Variants in SLC20A2 observed in about 807,000 individuals in gnomAD.
SLC20A2 encodes sodium-dependent phosphate transporter 2.
A neutral mutation model predicts 61.0 loss-of-function variants in SLC20A2; 30 were observed. That is an observed-to-expected ratio of 0.49 (90% confidence interval 0.37 to 0.67). SLC20A2 has a LOEUF of 0.67. SLC20A2 is among the 30% of genes least tolerant of loss of function. The pLI is 0.00. For missense variants in SLC20A2, 626 were observed against 866.4 expected (o/e 0.72, Z 3.48); for synonymous variants, 351 against 353.3 (o/e 0.99, Z 0.07).
In SLC20A2 at chr8:42,439,581, G is replaced by A; in HGVS notation, c.803C>T (p.Ser268Phe). The change falls in exon 7 of 11, where the codon TCC (serine) becomes TTC (phenylalanine). Residue 268 changes from serine to phenylalanine, a missense_variant. Transcript: ENST00000520262. The part of the protein sequence containing the change: ...ESLSKVQEAE[S>F]PVFKELPGAK... ...ACCTGGTAGCTCTTTAAATACTGGGGACTCTGCTTCCTGAACCTTACTGAG... is the reference window on the plus strand; with the variant it reads ...ACCTGGTAGCTCTTTAAATACTGGGAACTCTGCTTCCTGAACCTTACTGAG... 6.2e-7 allele frequency: 1 copy of A among 1,614,162 alleles called. No individual in the cohort carries two copies.
intron 1 of SLC20A2, among the ~76,000 whole-genome samples, chr8:42,494,489 T>C (rs9643888): frequency 0.32 from 49,395 of 152,062 alleles, 8,854 homozygotes; most frequent in East Asian, 0.41. Context: ...CTCCTAGAGA[T>C]AGTTATTGCT....
chr8:42,480,187 G>A (rs1055760224), intron 1 of SLC20A2, among the ~76,000 whole-genome samples: 30 of 152,148 alleles, frequency 2.0e-4, no homozygotes, highest in African/African-American at 2.4e-5. Flanking sequence ...GTGAAACATG[G>A]GAACACACAA....
At chr8:42,480,470 TTA>T (rs1808474705) in intron 1 of SLC20A2, 1 of 152,160 alleles carries the variant, frequency 6.6e-6, no homozygotes, top group African/African-American at 2.4e-5. Flanking sequence ...ATGAATCTAT[TTA>T]TGTTTTCAGC....
chr8:42,492,669 CA>C (rs1453478688), intron 1 of SLC20A2, among the ~76,000 whole-genome samples: 2 of 151,970 alleles, frequency 1.3e-5, no homozygotes, highest in African/African-American at 4.8e-5. Context: ...AGATTCCTTT[CA>C]GTTTATCAAG....
At chr8:42,443,165 C>T (rs979131163) in intron 6 of SLC20A2, among the ~76,000 whole-genome samples, 2 of 145,298 alleles carry the variant, frequency 1.4e-5, no homozygotes, top group African/African-American at 2.5e-5. Context: ...CAGTAGAGTA[C>T]TATATTGTAT....
chr8:42,427,296 C>T lies in SLC20A2; in HGVS notation c.1794+1462G>A, dbSNP rs368788999. The stretch of plus-strand genomic sequence containing the variant: ...CCAGTGGAGTGCTTGCCCCAGGCAC[C>T]TTGGCCATGGTCGGGCACCACAATG... On this transcript the variant is annotated intron_variant, in intron 10 of 10. Transcript: ENST00000520262. Among the ~76,000 whole-genome samples, 10 of 152,354 alleles carry T rather than the reference C, an allele frequency of 6.6e-5. No homozygotes were observed. The South Asian group carries it at 1.4e-3, about 22-fold the overall frequency.
intron 5 of SLC20A2, among the ~76,000 whole-genome samples, chr8:42,456,878 G>C (rs765173779): frequency 6.6e-6 from 1 of 152,020 alleles, no homozygotes; most frequent in African/African-American, 2.4e-5. Flanking sequence ...TTAACTCCAT[G>C]GTTTGGAACT....
intron 10 of SLC20A2, among the ~76,000 whole-genome samples, chr8:42,418,964 A>G (rs1336147831): frequency 2.1e-5 from 3 of 141,670 alleles, no homozygotes; most frequent in Non-Finnish European, 3.0e-5. Flanking sequence ...AGCGGAGATC[A>G]TGCCACTGCA....
intron 1 of SLC20A2, among the ~76,000 whole-genome samples, chr8:42,533,324 GTGCC>G (rs2131442872): frequency 6.6e-6 from 1 of 152,170 alleles, no homozygotes; most frequent in South Asian, 2.1e-4. Flanking sequence ...TTAAAAAAAT[GTGCC>G]TATTGGGCCA....
chr8:42,498,686 A>T (rs1326798070), intron 1 of SLC20A2, among the ~76,000 whole-genome samples: 3 of 152,204 alleles, frequency 2.0e-5, no homozygotes, highest in Non-Finnish European at 4.4e-5. Flanking sequence ...AGCTGAAGGC[A>T]TCCCTCCTGC....
chr8:42,523,709 G>A (rs1158671317), intron 1 of SLC20A2, among the ~76,000 whole-genome samples: 1 of 152,108 alleles, frequency 6.6e-6, no homozygotes, highest in Non-Finnish European at 1.5e-5. Flanking sequence ...AAAAACAAAT[G>A]CAAAATCAAC....
chr8:42,476,084 C>CTT lies in SLC20A2; in HGVS notation c.-264-3432_-264-3431dup, dbSNP rs11350697. ...GGTGAAGTAGCCGGGTTTACTGTGT[C>CTT]TTTTTTTTTTTTTTTTTTTTTTTTT... On this transcript the variant is annotated intron_variant, in intron 1 of 10. Coordinates refer to ENST00000520262, the MANE Select transcript of SLC20A2 (RefSeq NM_001257180.2). 1.1e-3 allele frequency among the ~76,000 whole-genome samples: 45 copies of CTT among 42,106 alleles called. 5 individuals are homozygous for CTT. The highest frequency in any genetic ancestry group is 1.2e-3 in the Non-Finnish European group (26 of 22,222). 27.6% of individuals were successfully genotyped at this position (42,106 alleles called of 152,430 possible). A position where few individuals can be genotyped will look rare whatever the true frequency, so the allele number is the denominator to read the frequency against.
At position 42,437,617 on chromosome 8, in the gene SLC20A2, T is replaced by A. The variant is rs1225564090; in HGVS notation, c.935-40A>T. ...AGAAGGTCTCATTTTCCAGTCTTTTTTTTTTTTTTCTTTTCTTTTTGAGAC... is the reference window on the plus strand; with the variant it reads ...AGAAGGTCTCATTTTCCAGTCTTTTATTTTTTTTTCTTTTCTTTTTGAGAC... On this transcript the variant is annotated intron_variant, in intron 7 of 10. Coordinates refer to ENST00000520262, the MANE Select transcript of SLC20A2 (RefSeq NM_001257180.2). This position sits in a 1 kb window ranked among gnomAD's most constrained non-coding sequence, Gnocchi z 6.4. The A allele has an allele frequency of 6.7e-7, 1 of 1,496,220 alleles. No homozygotes were observed. Among genetic ancestry groups the A allele is most frequent in the East Asian group, 2.3e-5 (1 of 43,668 alleles). The allele number at this position is 1,496,220 out of a possible 1,614,324, so 92.7% of individuals were successfully genotyped here. A position where few individuals can be genotyped will look rare whatever the true frequency, so the allele number is the denominator to read the frequency against.
chr8:42,479,045 G>A (rs1376862916), intron 1 of SLC20A2, among the ~76,000 whole-genome samples: 2 of 152,072 alleles, frequency 1.3e-5, no homozygotes, highest in African/African-American at 2.4e-5. Context: ...GAGGGGCTCG[G>A]GACATGACTC....
intron 1 of SLC20A2, among the ~76,000 whole-genome samples, chr8:42,474,244 T>C (rs1041543087): frequency 2.0e-5 from 3 of 151,382 alleles, no homozygotes; most frequent in Admixed American, 2.0e-4. Flanking sequence ...AGAGGTTGAA[T>C]AGGAAGGTTA....
chr8:42,515,885 C>G (rs1205667139), intron 1 of SLC20A2, among the ~76,000 whole-genome samples: 1 of 152,076 alleles, frequency 6.6e-6, no homozygotes, highest in African/African-American at 2.4e-5. Flanking sequence ...TAGTCTCAAC[C>G]AACAAATATT....
intron 1 of SLC20A2, among the ~76,000 whole-genome samples, chr8:42,512,240 C>G (rs1390494598): frequency 1.3e-5 from 2 of 151,860 alleles, no homozygotes; most frequent in Admixed American, 6.6e-5. Context: ...TTGAAAACAA[C>G]TGAAAATTAT....
At chr8:42,457,036 G>C (rs532851214) in intron 5 of SLC20A2, among the ~76,000 whole-genome samples, 5 of 151,960 alleles carry the variant, frequency 3.3e-5, no homozygotes, top group African/African-American at 1.2e-4. Context: ...TGATTCTCCT[G>C]CCTCAGCCTC....
chr8:42,418,001 T>C, intron 10 of SLC20A2, 34 bp from the exon 11 acceptor site: 1 of 1,600,852 alleles, frequency 6.2e-7, no homozygotes, highest in Non-Finnish European at 8.5e-7. Flanking sequence ...TAAAAACAGG[T>C]GAGCCACAAA....
Sources: gnomAD v4.1 joint callset for allele counts (sites outside exome capture counted in the v4.1 genomes callset) on GRCh38, gnomAD v4.1.1 for gene constraint, Gnocchi (gnomAD v3.1) non-coding constraint, MANE v1.5 for transcripts, NCBI Gene and HGNC (gene_info 2026-07-23, HGNC 2026-07-21) for gene names.